TMEM178B: variants seen among roughly 807,000 people sequenced by gnomAD.
TMEM178B encodes transmembrane protein 178B.
In TMEM178B, 5 loss-of-function variants were observed where a neutral mutation model predicts 31.0. The ratio of observed to expected loss-of-function variants is 0.16; its 90% CI spans 0.08 to 0.34. The LOEUF is 0.34. Ranked by LOEUF, TMEM178B falls within the 10% of genes least tolerant of loss-of-function variation. The pLI is 1.00. For synonymous variants in TMEM178B, 164 were observed against 164.0 expected (o/e 1.00, Z 0.00); for missense variants, 275 against 400.3 (o/e 0.69, Z 2.67).
intron 1 of TMEM178B, among the ~76,000 whole-genome samples, chr7:141,143,328 C>T (rs986318280): frequency 6.6e-6 from 1 of 152,150 alleles, no homozygotes; most frequent in African/African-American, 2.4e-5. Context: ...AGGTTTTCTT[C>T]TAGAATTTTC....
chr7:141,413,651 A>G (rs1458491821), intron 2 of TMEM178B, among the ~76,000 whole-genome samples: 2 of 152,150 alleles, frequency 1.3e-5, no homozygotes, highest in African/African-American at 2.4e-5. Context: ...TGATGAGAAA[A>G]CTTTCTTTGT....
At chr7:141,412,463 T>G (rs1421314052) in intron 2 of TMEM178B, among the ~76,000 whole-genome samples, 2 of 152,224 alleles carry the variant, frequency 1.3e-5, no homozygotes, top group Non-Finnish European at 2.9e-5. Flanking sequence ...TGACCATCTC[T>G]TAGGTTTCTG....
intron 1 of TMEM178B, among the ~76,000 whole-genome samples, chr7:141,111,880 C>A (rs555758188): frequency 6.6e-6 from 1 of 152,254 alleles, no homozygotes; most frequent in South Asian, 2.1e-4. Flanking sequence ...TTGCCTATAT[C>A]AATATTTTCA....
At chr7:141,107,844 G>T (rs1168245953) in intron 1 of TMEM178B, among the ~76,000 whole-genome samples, 4 of 152,178 alleles carry the variant, frequency 2.6e-5, no homozygotes, top group African/African-American at 7.2e-5. Flanking sequence ...GAAGATAAAA[G>T]GCCCATGGAC....
intron 1 of TMEM178B, among the ~76,000 whole-genome samples, chr7:141,191,471 G>A (rs1205355094): frequency 6.6e-6 from 1 of 152,274 alleles, no homozygotes; most frequent in East Asian, 1.9e-4. Context: ...CACTCCAACG[G>A]CCACTCACGA....
chr7:141,253,042 G>T (rs544455571), intron 2 of TMEM178B, among the ~76,000 whole-genome samples: 1 of 152,174 alleles, frequency 6.6e-6, no homozygotes. Context: ...CACATGCCCC[G>T]CCCTCTGCCT....
intron 1 of TMEM178B, among the ~76,000 whole-genome samples, chr7:141,122,685 A>T (rs1795429189): frequency 6.6e-6 from 1 of 152,198 alleles, no homozygotes; most frequent in Admixed American, 6.5e-5. Flanking sequence ...GTATGGGAGG[A>T]ACCATAATAT....
chr7:141,355,508 A>G (rs1294682588), intron 2 of TMEM178B, among the ~76,000 whole-genome samples: 1 of 152,194 alleles, frequency 6.6e-6, no homozygotes, highest in African/African-American at 2.4e-5. Flanking sequence ...TTCTTCAGTG[A>G]GGTGGGGTGT....
At chr7:141,498,273 G>A in the TMEM178B span, among the ~76,000 whole-genome samples, 3 of 152,330 alleles carry the variant, frequency 2.0e-5, 1 homozygote, top group South Asian at 6.2e-4. Context: ...AGGAATAAGA[G>A]GAAAACTCCT....
At chr7:141,263,101 TAGC>T (rs1377733196) in intron 2 of TMEM178B, among the ~76,000 whole-genome samples, 1 of 152,110 alleles carries the variant, frequency 6.6e-6, no homozygotes, top group African/African-American at 2.4e-5. Flanking sequence ...CCACTGCAGA[TAGC>T]AGCACAATCT....
chr7:141,455,058 G>A (rs1381627771), intron 3 of TMEM178B, among the ~76,000 whole-genome samples: 1 of 152,132 alleles, frequency 6.6e-6, no homozygotes, highest in Non-Finnish European at 1.5e-5. Context: ...CTGACCACCA[G>A]CTTCCTCTGT....
At chr7:141,081,749 A>G (rs992966162) in intron 1 of TMEM178B, among the ~76,000 whole-genome samples, 3 of 152,236 alleles carry the variant, frequency 2.0e-5, no homozygotes, top group African/African-American at 7.2e-5. Flanking sequence ...TTGTTGAAGA[A>G]AGAAAAATAT....
chr7:141,461,554 G>A lies in TMEM178B; in HGVS notation c.635-8982G>A, dbSNP rs1156771893. 2.6e-5 allele frequency among the ~76,000 whole-genome samples: 4 copies of A among 152,332 alleles called. No homozygotes were observed. Among genetic ancestry groups the A allele is most frequent in the Non-Finnish European group, 5.9e-5 (4 of 68,030 alleles). On this transcript the variant is annotated intron_variant, in intron 3 of 3. Transcript: ENST00000565468. The surrounding 1 kb of genome is among the most constrained non-coding windows in gnomAD (Gnocchi z 4.0). The stretch of plus-strand genomic sequence containing the variant: ...GCCTCGTGAGGGCCTCAGTTTCCTA[G>A]GAGACGGCTTCTTGAATTAGTAAGA...
chr7:141,259,976 C>G (rs909332026), intron 2 of TMEM178B, among the ~76,000 whole-genome samples: 4 of 152,142 alleles, frequency 2.6e-5, no homozygotes, highest in African/African-American at 9.7e-5. Context: ...TCTGATCTCT[C>G]CTGAGTGTGA....
At chr7:141,235,275 G>A (rs938813899) in intron 2 of TMEM178B, among the ~76,000 whole-genome samples, 1 of 152,194 alleles carries the variant, frequency 6.6e-6, no homozygotes, top group African/African-American at 2.4e-5. Context: ...AATGGTTGGT[G>A]TAGAAGACTT....
chr7:141,172,353 T>C (rs773198340), intron 1 of TMEM178B, among the ~76,000 whole-genome samples: 3 of 152,202 alleles, frequency 2.0e-5, no homozygotes, highest in Non-Finnish European at 4.4e-5. Flanking sequence ...AGACTCCATG[T>C]CTCTGCCCTT....
At chr7:141,218,962 T>C (rs1797209703) in intron 2 of TMEM178B, among the ~76,000 whole-genome samples, 1 of 152,220 alleles carries the variant, frequency 6.6e-6, no homozygotes, top group East Asian at 1.9e-4. Context: ...GCCTGGGAGC[T>C]GCCTAGACAC....
chr7:141,078,325 C>G (rs993224118), intron 1 of TMEM178B, among the ~76,000 whole-genome samples: 5 of 152,172 alleles, frequency 3.3e-5, no homozygotes, highest in African/African-American at 1.2e-4. Flanking sequence ...AGAACTTCAA[C>G]TGATACTCTA....
chr7:141,132,300 T>A (rs112306985), intron 1 of TMEM178B, among the ~76,000 whole-genome samples: 135 of 152,334 alleles, frequency 8.9e-4, no homozygotes, highest in African/African-American at 2.5e-3. Context: ...AAATAAGCTT[T>A]CAAGATTGGG....
Sources: allele counts gnomAD v4.1 joint callset (sites outside exome capture counted in the v4.1 genomes callset), GRCh38; gene constraint gnomAD v4.1.1; non-coding constraint Gnocchi (gnomAD v3.1); transcripts MANE v1.5; gene names NCBI Gene and HGNC (gene_info 2026-07-23, HGNC 2026-07-21).